The following CSMD3 variants were observed in gnomAD, a reference collection of about 807,000 sequenced individuals.
The protein encoded by CSMD3 is CUB and sushi domain-containing protein 3.
In CSMD3, 177 loss-of-function variants were observed where a neutral mutation model predicts 435.2. That is an observed-to-expected ratio of 0.41 (90% confidence interval 0.36 to 0.46). The LOEUF (loss-of-function observed/expected upper bound fraction) is 0.46, where lower values mean the gene tolerates loss of function less well. CSMD3 is among the 20% of genes least tolerant of loss of function. CSMD3 has a pLI of 0.34. For synonymous variants in CSMD3, 1,656 were observed against 1,520.5 expected (o/e 1.09, Z -2.07); for missense variants, 4,265 against 4,504.6 (o/e 0.95, Z 1.52).
intron 13 of CSMD3, among the ~76,000 whole-genome samples, chr8:112,755,352 T>C (rs200812661): frequency 1.4e-4 from 12 of 88,556 alleles, no homozygotes; most frequent in East Asian, 3.6e-4. Context: ...ATAATAATAA[T>C]AATAATAATA....
intron 30 of CSMD3, among the ~76,000 whole-genome samples, chr8:112,497,767 A>T (rs923690700): frequency 1.3e-5 from 2 of 152,068 alleles, no homozygotes; most frequent in African/African-American, 4.8e-5. Flanking sequence ...TGTTAGCCTT[A>T]AGAAACTGGA....
intron 22 of CSMD3, among the ~76,000 whole-genome samples, chr8:112,609,022 G>GTTA (rs1833019837): frequency 6.6e-6 from 1 of 151,362 alleles, no homozygotes; most frequent in Non-Finnish European, 1.5e-5. Flanking sequence ...AAAAGTTTCT[G>GTTA]CCCAGCAAGG....
intron 56 of CSMD3, among the ~76,000 whole-genome samples, chr8:112,290,462 T>A (rs569139260): frequency 6.6e-6 from 1 of 152,060 alleles, no homozygotes; most frequent in African/African-American, 2.4e-5. Flanking sequence ...GTAAGTAAAT[T>A]ATTCAAATAA....
At chr8:112,962,157 G>T (rs2084254753) in intron 7 of CSMD3, among the ~76,000 whole-genome samples, 1 of 151,124 alleles carries the variant, frequency 6.6e-6, no homozygotes. Flanking sequence ...ACTTTCTTGG[G>T]ACTTTTTTTT....
intron 53 of CSMD3, among the ~76,000 whole-genome samples, chr8:112,298,353 T>C (rs1292657931): frequency 1.3e-5 from 2 of 152,086 alleles, no homozygotes; most frequent in Non-Finnish European, 2.9e-5. Flanking sequence ...TAGTGCAAGA[T>C]ACAAAGTGCA....
intron 13 of CSMD3, among the ~76,000 whole-genome samples, chr8:112,710,487 GT>G (rs2076587562): frequency 6.6e-6 from 1 of 151,948 alleles, no homozygotes; most frequent in African/African-American, 2.4e-5. Flanking sequence ...GGCCGATTAT[GT>G]TTTTAATCAC....
intron 13 of CSMD3, among the ~76,000 whole-genome samples, chr8:112,700,833 A>G (rs936811955): frequency 2.0e-5 from 3 of 152,198 alleles, no homozygotes; most frequent in African/African-American, 7.2e-5. Flanking sequence ...GAGAATTTAA[A>G]GCCTGAGAGA....
intron 13 of CSMD3, among the ~76,000 whole-genome samples, chr8:112,737,405 G>A (rs1218290154): frequency 6.6e-6 from 1 of 151,902 alleles, no homozygotes; most frequent in East Asian, 1.9e-4. Flanking sequence ...TTTCACAGAG[G>A]TGATATTTTG....
intron 1 of CSMD3, among the ~76,000 whole-genome samples, chr8:113,414,504 C>T (rs1213496332): frequency 6.6e-6 from 1 of 151,978 alleles, no homozygotes; most frequent in Non-Finnish European, 1.5e-5. Flanking sequence ...TTTATTTGAA[C>T]ATTTTAGTAG....
chr8:113,159,066 C>A (rs1018150637), intron 4 of CSMD3, among the ~76,000 whole-genome samples: 4 of 151,788 alleles, frequency 2.6e-5, no homozygotes, highest in Non-Finnish European at 5.9e-5. Flanking sequence ...GAATTCCAGA[C>A]AAAATAATCT....
intron 1 of CSMD3, among the ~76,000 whole-genome samples, chr8:113,357,699 G>A (rs1277897089): frequency 6.6e-6 from 1 of 152,138 alleles, no homozygotes; most frequent in African/African-American, 2.4e-5. Flanking sequence ...AATTGGGGGA[G>A]GGACCTAGTA....
chr8:112,259,924 T>C (rs1281407840), intron 61 of CSMD3, among the ~76,000 whole-genome samples: 2 of 152,170 alleles, frequency 1.3e-5, no homozygotes, highest in East Asian at 3.9e-4. Flanking sequence ...GTTCCTCTTA[T>C]GCATATTCAA....
intron 30 of CSMD3, among the ~76,000 whole-genome samples, chr8:112,496,392 G>T (rs1821345541): frequency 6.6e-6 from 1 of 152,166 alleles, no homozygotes; most frequent in African/African-American, 2.4e-5. Context: ...AGTATCAACA[G>T]TGTAGAGGTT....
At chr8:112,354,247 G>A (rs1186014362) in intron 38 of CSMD3, among the ~76,000 whole-genome samples, 3 of 152,078 alleles carry the variant, frequency 2.0e-5, no homozygotes, top group Non-Finnish European at 1.5e-5. Context: ...ATAATACTGA[G>A]TGGGCAAAAG....
intron 18 of CSMD3, among the ~76,000 whole-genome samples, 166 bp from the exon 19 acceptor site, chr8:112,650,515 T>C (rs2131634709): frequency 6.6e-6 from 1 of 152,346 alleles, no homozygotes; most frequent in Admixed American, 6.5e-5. Context: ...TGTTTTCTCA[T>C]TTCCTACCAG....
chr8:112,722,194 GAA>G (rs576268716), intron 13 of CSMD3, among the ~76,000 whole-genome samples: 4 of 82,246 alleles, frequency 4.9e-5, no homozygotes, highest in African/African-American at 4.6e-5. Flanking sequence ...AGTGAAAAGA[GAA>G]AAAAAAAAAA....
intron 10 of CSMD3, among the ~76,000 whole-genome samples, chr8:112,863,976 GATCCCC>G (rs2080900453): frequency 6.6e-6 from 1 of 151,992 alleles, no homozygotes; most frequent in Admixed American, 6.6e-5. Flanking sequence ...ACAAAATGTG[GATCCCC>G]ACACTAGTGA....
intron 9 of CSMD3, among the ~76,000 whole-genome samples, chr8:112,937,280 A>G (rs1375620553): frequency 6.6e-6 from 1 of 151,660 alleles, no homozygotes; most frequent in Non-Finnish European, 1.5e-5. Flanking sequence ...ATGTACTGAC[A>G]GTTTTGAGTC....
At chr8:112,236,112 C>T (rs185924612) in intron 67 of CSMD3, among the ~76,000 whole-genome samples, 6 of 151,686 alleles carry the variant, frequency 4.0e-5, no homozygotes, top group East Asian at 1.9e-4. Context: ...TTGTGTTTAA[C>T]GGAGGATCAT....
Sources: gnomAD v4.1 joint callset for allele counts (sites outside exome capture counted in the v4.1 genomes callset) on GRCh38, gnomAD v4.1.1 for gene constraint, MANE v1.5 for transcripts, NCBI Gene and HGNC (gene_info 2026-07-23, HGNC 2026-07-21) for gene names.